CTNND2: variants seen among roughly 807,000 people sequenced by gnomAD.
The protein encoded by CTNND2 is catenin delta-2.
CTNND2 carries 22 observed loss-of-function variants against 144.4 expected under a neutral mutation model. The observed-to-expected ratio is 0.15, with a 90% CI of 0.11 to 0.22. The LOEUF (loss-of-function observed/expected upper bound fraction) is 0.22, where lower values mean the gene tolerates loss of function less well. Among genes scored for constraint, CTNND2 ranks in the 10% least tolerant of loss-of-function variants. The probability of loss-of-function intolerance (pLI) is 1.00; values close to 1 mark genes in which losing one functional copy is unlikely to be tolerated. For missense variants in CTNND2, 1,353 were observed against 1,618.8 expected, an observed-to-expected ratio of 0.84 and a Z score of 2.82; for synonymous variants, 751 against 695.6, an observed-to-expected ratio of 1.08 and a Z score of -1.25.
At chr5:11,420,218 G>C (rs1420191484) in intron 3 of CTNND2, among the ~76,000 whole-genome samples, 1 of 152,116 alleles carries the variant, frequency 6.6e-6, no homozygotes, top group Non-Finnish European at 1.5e-5. Context: ...AGCTACTTGG[G>C]AGGCTGAGGC....
At chr5:11,437,264 G>C (rs1297956163) in intron 3 of CTNND2, among the ~76,000 whole-genome samples, 1 of 152,134 alleles carries the variant, frequency 6.6e-6, no homozygotes, top group Non-Finnish European at 1.5e-5. Context: ...TTGGATTTAA[G>C]ATATTCATAA....
At chr5:11,854,071 C>T (rs1795140692) in intron 1 of CTNND2, among the ~76,000 whole-genome samples, 1 of 152,110 alleles carries the variant, frequency 6.6e-6, no homozygotes. Context: ...TCCTAAGTAT[C>T]CTCCCTCTAT....
intron 10 of CTNND2, among the ~76,000 whole-genome samples, chr5:11,226,280 G>A (rs1340816796): frequency 6.6e-6 from 1 of 152,186 alleles, no homozygotes; most frequent in African/African-American, 2.4e-5. Flanking sequence ...CTACTTCTCA[G>A]AGATGGCTTT....
At chr5:11,284,129 G>A (rs910747119) in intron 9 of CTNND2, among the ~76,000 whole-genome samples, 1 of 152,192 alleles carries the variant, frequency 6.6e-6, no homozygotes, top group Non-Finnish European at 1.5e-5. Context: ...GCCGCATCAG[G>A]TGTTCTGGTC....
intron 9 of CTNND2, among the ~76,000 whole-genome samples, chr5:11,250,403 T>C (rs1015189184): frequency 8.0e-5 from 12 of 150,682 alleles, no homozygotes; most frequent in African/African-American, 2.9e-4. Flanking sequence ...CTAAGTAGAA[T>C]GTGTGTAATT....
intron 12 of CTNND2, among the ~76,000 whole-genome samples, chr5:11,146,805 G>A (rs776573509): frequency 2.0e-5 from 3 of 152,172 alleles, no homozygotes; most frequent in Non-Finnish European, 4.4e-5. Context: ...TGATGCGGTG[G>A]TTTCATTTAG....
intron 9 of CTNND2, among the ~76,000 whole-genome samples, chr5:11,272,128 CAG>C (rs1174823944): frequency 3.3e-5 from 5 of 151,816 alleles, no homozygotes; most frequent in African/African-American, 9.7e-5. Context: ...GACAAATAAA[CAG>C]AGAGTTTAGA....
chr5:11,436,760 CT>C (rs1763811464), intron 3 of CTNND2, among the ~76,000 whole-genome samples: 1 of 152,198 alleles, frequency 6.6e-6, no homozygotes, highest in African/African-American at 2.4e-5. Flanking sequence ...ACAAATGGCA[CT>C]GATTACTTTC....
intron 2 of CTNND2, among the ~76,000 whole-genome samples, chr5:11,713,347 G>A (rs1786142926): frequency 1.3e-5 from 2 of 152,062 alleles, no homozygotes; most frequent in South Asian, 4.1e-4. Context: ...TTGGGAGGCT[G>A]AGGCAGGAGG....
rs575287418 is a variant in CTNND2, at chr5:11,609,049, C to A, written c.175-43993G>T. Among the ~76,000 whole-genome samples the A allele has an allele frequency of 3.9e-5, 6 of 152,310 alleles. No individual in the cohort carries two copies. The East Asian group carries it at 9.7e-4, about 25-fold the overall frequency. On this transcript the variant is annotated intron_variant, in intron 2 of 21. Coordinates refer to ENST00000304623, the MANE Select transcript of CTNND2 (RefSeq NM_001332.4). ...CGTCACATGGCTTCCTCTACTAGTC[C>A]TGTGAATCTGAGCACAGGTGTCGCT... is the stretch of plus-strand genomic sequence containing the variant.
intron 2 of CTNND2, among the ~76,000 whole-genome samples, chr5:11,679,023 T>A (rs1162341109): frequency 1.3e-5 from 2 of 151,998 alleles, no homozygotes; most frequent in Non-Finnish European, 1.5e-5. Context: ...AACATTGCAA[T>A]CTCAGAGGAG....
intron 9 of CTNND2, among the ~76,000 whole-genome samples, chr5:11,296,312 T>A (rs1231772537): frequency 6.6e-6 from 1 of 151,780 alleles, no homozygotes; most frequent in Non-Finnish European, 1.5e-5. Context: ...AGAATGGTGA[T>A]CATTAAAAAG....
chr5:11,753,569 C>T (rs1581826775), intron 1 of CTNND2, among the ~76,000 whole-genome samples: 2 of 151,694 alleles, frequency 1.3e-5, no homozygotes, highest in South Asian at 4.2e-4. Flanking sequence ...GGATTTGGTT[C>T]GTTTGAAATT....
intron 12 of CTNND2, among the ~76,000 whole-genome samples, chr5:11,132,176 C>A (rs1173494824): frequency 2.0e-5 from 3 of 152,208 alleles, no homozygotes; most frequent in African/African-American, 4.8e-5. Context: ...CCCAGTATTT[C>A]TGTAAGCTGA....
rs189157362 is a variant in CTNND2, at chr5:11,381,733, C to T, written c.1177+2932G>A. 4.8e-3 allele frequency among the ~76,000 whole-genome samples: 724 copies of T among 152,026 alleles called. 5 individuals carry two copies. The highest frequency in any genetic ancestry group is 0.015 in the African/African-American group (642 of 41,428). On this transcript the variant is annotated intron_variant, in intron 7 of 21. Transcript: ENST00000304623. ...CTGTAATCCCAGCACTTTGGGAGGC[C>T]GAGGCGGGCAGATCACGAGGTCAGG...
intron 3 of CTNND2, among the ~76,000 whole-genome samples, chr5:11,485,368 T>C (rs1237490303): frequency 1.6e-5 from 2 of 126,374 alleles, no homozygotes; most frequent in African/African-American, 5.3e-5. Context: ...TGTGTGTGTG[T>C]GTGTGTGCGC....
At chr5:11,826,861 A>T (rs929577970) in intron 1 of CTNND2, among the ~76,000 whole-genome samples, 2 of 152,028 alleles carry the variant, frequency 1.3e-5, no homozygotes, top group African/African-American at 2.4e-5. Context: ...GAAAAAGATA[A>T]AATCCATAAT....
At chr5:11,602,292 C>T (rs758583286) in intron 2 of CTNND2, among the ~76,000 whole-genome samples, 5 of 151,740 alleles carry the variant, frequency 3.3e-5, no homozygotes, top group South Asian at 2.1e-4. Context: ...AGTTTTACAC[C>T]GCTGGTACCA....
At chr5:11,762,256 C>T in intron 1 of CTNND2, among the ~76,000 whole-genome samples, 1 of 151,988 alleles carries the variant, frequency 6.6e-6, no homozygotes, top group East Asian at 1.9e-4. Flanking sequence ...GACTCGTTGC[C>T]CAGACATCTT....
Sources: allele counts gnomAD v4.1 joint callset (sites outside exome capture counted in the v4.1 genomes callset), GRCh38; gene constraint gnomAD v4.1.1; transcripts MANE v1.5; gene names NCBI Gene and HGNC (gene_info 2026-07-23, HGNC 2026-07-21).